Variants in F11 observed in about 807,000 individuals in gnomAD.
The protein encoded by F11 is coagualtion factor XI.
Under a neutral mutation model 76.5 loss-of-function variants are expected in F11, and 78 were observed. The ratio of observed to expected loss-of-function variants is 1.02; its 90% CI spans 0.85 to 1.23. The LOEUF (loss-of-function observed/expected upper bound fraction) is 1.23, where lower values mean the gene tolerates loss of function less well. Ranked by LOEUF, F11 falls within the 50% of genes most tolerant of loss-of-function variation. F11 has a pLI of 0.00. For synonymous variants in F11, 278 were observed against 276.3 expected, an observed-to-expected ratio of 1.01 and a Z score of -0.06; for missense variants, 742 against 771.4, an observed-to-expected ratio of 0.96 and a Z score of 0.45.
chr4:186,290,239 G>A (rs1741477889), downstream of F11, among the ~76,000 whole-genome samples: 1 of 152,048 alleles, frequency 6.6e-6, no homozygotes, highest in East Asian at 1.9e-4. Flanking sequence ...TCCTGACAAA[G>A]GCAAAACAAA....
intron 14 of F11, among the ~76,000 whole-genome samples, chr4:186,288,163 G>T (rs996211566): frequency 7.2e-5 from 11 of 151,810 alleles, no homozygotes; most frequent in Non-Finnish European, 1.6e-4. Flanking sequence ...CTGCCTGCCT[G>T]GGCCTCCCAA....
At chr4:186,272,021 TG>T (rs2126722181) in intron 3 of F11, among the ~76,000 whole-genome samples, 1 of 152,348 alleles carries the variant, frequency 6.6e-6, no homozygotes, top group South Asian at 2.1e-4. Context: ...TTCTTCTGTT[TG>T]TCTCAATTTT....
At chr4:186,274,392 T>G (rs919404493) in intron 5 of F11, 117 bp downstream of exon 5, 4 of 1,301,988 alleles carry the variant, frequency 3.1e-6, no homozygotes, top group Admixed American at 3.8e-5. Flanking sequence ...AAGACATTTC[T>G]ATAATAGTAC....
At chr4:186,273,213 G>A (rs1740111738) in intron 4 of F11, 36 bp downstream of exon 4, 1 of 1,475,530 alleles carries the variant, frequency 6.8e-7, no homozygotes. Context: ...AATACCAGCT[G>A]TGATGTACAC....
At chr4:186,266,436 A>C (rs534406958) in intron 1 of F11, 141 bp downstream of exon 1, 1 of 152,366 alleles carries the variant, frequency 6.6e-6, no homozygotes, top group South Asian at 2.1e-4. Context: ...AGCTTTGTAG[A>C]GATGTTCCGC....
intron 5 of F11, 118 bp from the exon 6 acceptor site, chr4:186,275,669 G>T (rs1740305929): frequency 1.4e-6 from 1 of 740,350 alleles, no homozygotes; most frequent in African/African-American, 1.7e-5. Context: ...CAGCCTCCCA[G>T]ATGGATGCTT....
chr4:186,279,632 C>T (rs1268305726), intron 7 of F11, among the ~76,000 whole-genome samples: 21 of 152,144 alleles, frequency 1.4e-4, no homozygotes, highest in Admixed American at 1.4e-3. Flanking sequence ...GGACTTCACC[C>T]ATCTCCTTAT....
intron 7 of F11, among the ~76,000 whole-genome samples, chr4:186,278,241 T>G (rs761312382): frequency 6.6e-6 from 1 of 152,198 alleles, no homozygotes; most frequent in Non-Finnish European, 1.5e-5. Context: ...CTCCTGTTGA[T>G]GAAAAGTTGT....
intron 12 of F11, 148 bp from the exon 13 acceptor site, chr4:186,286,267 C>T: frequency 2.6e-6 from 2 of 772,354 alleles, no homozygotes; most frequent in South Asian, 2.9e-5. Flanking sequence ...CGTGCTGAAC[C>T]TGAGGGAGGA....
chr4:186,276,209 A>G, intron 6 of F11, 22 bp from the exon 7 acceptor site: 1 of 1,614,112 alleles, frequency 6.2e-7, no homozygotes, highest in Non-Finnish European at 8.5e-7. Context: ...TGAGTCCCTG[A>G]CATAGTTCTT....
intron 6 of F11, 37 bp from the exon 7 acceptor site, chr4:186,276,194 T>A (rs1192000829): frequency 3.1e-6 from 5 of 1,613,572 alleles, no homozygotes; most frequent in African/African-American, 2.7e-5. Flanking sequence ...TGATAGCTGG[T>A]GAATTGAGTC....
At chr4:186,273,530 C>A (rs1043661054) in intron 4 of F11, among the ~76,000 whole-genome samples, 1 of 151,938 alleles carries the variant, frequency 6.6e-6, no homozygotes, top group Non-Finnish European at 1.5e-5. Context: ...ACAGCTCACT[C>A]CAGCCTCAAC....
rs781628445 is a variant in F11, at chr4:186,287,842, C to A, written c.1716+19C>A. On this transcript the variant is annotated intron_variant, in intron 14 of 14. Transcript: ENST00000403665. ...TTGCAAGGTAACAGAGTGTTCTTAG[C>A]CAATGGAATATATGCAAATTGGAAT... is the stretch of plus-strand genomic sequence containing the variant. 1.9e-6 allele frequency: 3 copies of A among 1,608,840 alleles called. No individual in the cohort carries two copies. Among genetic ancestry groups the A allele is most frequent in the African/African-American group, 1.3e-5 (1 of 74,648 alleles).
chr4:186,273,921 G>A (rs1315916184), intron 4 of F11, among the ~76,000 whole-genome samples, 195 bp from the exon 5 acceptor site: 1 of 152,182 alleles, frequency 6.6e-6, no homozygotes, highest in African/African-American at 2.4e-5. Flanking sequence ...GTCTAAAATT[G>A]TTACAGTGTA....
At chr4:186,276,205 C>G (rs1218268317) in intron 6 of F11, 26 bp from the exon 7 acceptor site, 2 of 1,613,872 alleles carry the variant, frequency 1.2e-6, no homozygotes, top group Non-Finnish European at 1.7e-6. Flanking sequence ...GAATTGAGTC[C>G]CTGACATAGT....
In F11 at chr4:186,280,007, G is replaced by A. The variant is rs180833285; in HGVS notation, c.756-5G>A. 7.5e-5 allele frequency: 121 copies of A among 1,606,634 alleles called. No homozygotes were observed. The African/African-American group carries it at 1.2e-3, about 16-fold the overall frequency. On this transcript the variant is annotated splice_region_variant and splice_polypyrimidine_tract_variant and intron_variant, in intron 7 of 14. Transcript: ENST00000403665. ...ATATTTCTACTTCCCTTTTGTTTTTGTTAGAAATCTTTGTCTCCTTAAAAC... is the reference window on the plus strand; with the variant it reads ...ATATTTCTACTTCCCTTTTGTTTTTATTAGAAATCTTTGTCTCCTTAAAAC...
chr4:186,285,905 T>A, intron 12 of F11, 92 bp downstream of exon 12: 1 of 1,324,076 alleles, frequency 7.6e-7, no homozygotes, highest in Non-Finnish European at 1.1e-6. Flanking sequence ...CCTGCCAATC[T>A]CTCCATGCGT....
In F11 at chr4:186,289,022, A is replaced by ATGATACGGC; in HGVS notation, c.*408_*409insTGATACGGC. On this transcript the variant is annotated 3_prime_UTR_variant, in exon 15 of 15. Coordinates refer to ENST00000403665, the MANE Select transcript of F11 (RefSeq NM_000128.4). Reference sequence around the variant, plus strand: ...TGAAAACTGGAAGAAAGGAGAACAAAGACAGTCTTCACCATTTTGCAGGAA... The same window carrying ATGATACGGC: ...TGAAAACTGGAAGAAAGGAGAACAAATGATACGGCGACAGTCTTCACCATTTTGCAGGAA... The ATGATACGGC allele has an allele frequency of 4.6e-6, 1 of 219,124 alleles. No individual in the cohort carries two copies. The highest frequency in any genetic ancestry group is 9.2e-6 in the Non-Finnish European group (1 of 108,704). The allele number at this position is 219,124 out of a possible 1,614,324, so 13.6% of individuals were successfully genotyped here.
At chr4:186,273,207 C>T (rs768188190) in intron 4 of F11, 30 bp downstream of exon 4, 18 of 1,520,592 alleles carry the variant, frequency 1.2e-5, no homozygotes, top group African/African-American at 2.7e-5. Flanking sequence ...TCAACAAATA[C>T]CAGCTGTGAT....
Sources: allele counts gnomAD v4.1 joint callset (sites outside exome capture counted in the v4.1 genomes callset), GRCh38; gene constraint gnomAD v4.1.1; transcripts MANE v1.5; gene names NCBI Gene and HGNC (gene_info 2026-07-23, HGNC 2026-07-21).